The following ANKAR variants were observed in gnomAD, a reference collection of about 807,000 sequenced individuals.
ANKAR encodes the protein ankyrin and armadillo repeat containing.
In ANKAR, 136 loss-of-function variants were observed where a neutral mutation model predicts 146.2. The ratio of observed to expected loss-of-function variants is 0.93; its 90% confidence interval spans 0.81 to 1.07. ANKAR has a LOEUF of 1.07. Ranked by LOEUF, ANKAR falls within the 50% of genes least tolerant of loss-of-function variation. The probability of loss-of-function intolerance (pLI) is 0.00; values close to 1 mark genes in which losing one functional copy is unlikely to be tolerated. For synonymous variants in ANKAR, 500 were observed against 575.8 expected (o/e 0.87, Z 1.88); for missense variants, 1,567 against 1,679.9 (o/e 0.93, Z 1.18).
intron 9 of ANKAR, among the ~76,000 whole-genome samples, chr2:189,709,099 A>AAAATAAATAAAT (rs774081735): frequency 0.012 from 1,832 of 150,738 alleles, 26 homozygotes; most frequent in African/African-American, 0.035. Context: ...ACTTCGTCTC[A>AAAATAAATAAAT]AAATAAATAA....
At position 189,706,966 on chromosome 2, in the gene ANKAR, G is replaced by GCCA; in HGVS notation, c.1941_1943dup (p.Thr648dup). 13 of 1,612,472 alleles carry GCCA rather than the reference G, an allele frequency of 8.1e-6. No individual in the cohort carries two copies. Among genetic ancestry groups the GCCA allele is most frequent in the Non-Finnish European group, 1.1e-5 (13 of 1,179,312 alleles). On this transcript the variant is annotated inframe_insertion, in exon 9 of 23. Transcript: ENST00000684021. ...TCAGTGCACTCCACTGTTACTTGCTGCCACTTCAGGAGCACTGGACACTAT... is the reference window on the plus strand; with the variant it reads ...TCAGTGCACTCCACTGTTACTTGCTGCCACCACTTCAGGAGCACTGGACACTAT...
intron 15 of ANKAR, among the ~76,000 whole-genome samples, chr2:189,729,829 T>TTTAACCCATTTATTTAGGG (rs2042248942): frequency 6.6e-6 from 1 of 152,106 alleles, no homozygotes; most frequent in Non-Finnish European, 1.5e-5. Context: ...CAATCTTATA[T>TTTAACCCATTTATTTAGGG]TTAACCCATT....
chr2:189,723,698 T>G (rs1444517908), intron 12 of ANKAR, among the ~76,000 whole-genome samples: 3 of 152,162 alleles, frequency 2.0e-5, no homozygotes, highest in Non-Finnish European at 4.4e-5. Flanking sequence ...TAGTCCTCCT[T>G]TAGCCAACTC....
intron 6 of ANKAR, 36 bp downstream of exon 6, chr2:189,695,197 A>G (rs1373023229): frequency 6.7e-7 from 1 of 1,495,108 alleles, no homozygotes. Context: ...TAGTATATGA[A>G]GTTATGTATT....
At chr2:189,707,452 C>CAAAAAAAAAAAAAAAAAAA (rs67227035) in intron 9 of ANKAR, among the ~76,000 whole-genome samples, 1 of 72,928 alleles carries the variant, frequency 1.4e-5, no homozygotes, top group East Asian at 4.5e-4. Context: ...TCTCCTTCAT[C>CAAAAAAAAAAAAAAAAAAA]AAAAAAAAAA....
At chr2:189,729,989 A>G (rs1042324930) in intron 15 of ANKAR, among the ~76,000 whole-genome samples, 5 of 152,076 alleles carry the variant, frequency 3.3e-5, no homozygotes, top group African/African-American at 7.2e-5. Flanking sequence ...GAAAAAAAAA[A>G]AGAGAGAGTT....
Position 189,746,514 on chromosome 2 carries a change from T to C in ANKAR, c.4192T>C (p.Phe1398Leu). Residue 1398 changes from phenylalanine (F) to leucine (L), a missense_variant, in exon 23 of 23, where the codon TTT (phenylalanine) becomes CTT (leucine). Physicochemically the swap from Phe to Leu is conservative, Grantham distance 22. Transcript: ENST00000684021. Reference protein sequence around the residue: ...KTKDSHNIFSFSSTITSDITN... With the variant: ...KTKDSHNIFSLSSTITSDITN... ...CAAGGATTCCCATAATATTTTTTCT[T>C]TTTCATCTACAATTACATCAGATAT... is the stretch of plus-strand genomic sequence containing the variant. 6.2e-7 allele frequency: 1 copy of C among 1,613,978 alleles called. No homozygotes were observed. The highest frequency in any genetic ancestry group is 8.5e-7 in the Non-Finnish European group (1 of 1,179,938).
chr2:189,693,721 G>C (rs2036778422), intron 5 of ANKAR, among the ~76,000 whole-genome samples: 1 of 151,842 alleles, frequency 6.6e-6, no homozygotes, highest in South Asian at 2.1e-4. Flanking sequence ...AGACCAGACT[G>C]GGCACCAGAG....
chr2:189,718,542 C>A (rs1417511948), intron 10 of ANKAR, among the ~76,000 whole-genome samples: 2 of 152,038 alleles, frequency 1.3e-5, no homozygotes, highest in East Asian at 3.8e-4. Flanking sequence ...TCCTGAAAAC[C>A]TGTACAAAAA....
chr2:189,677,295 AT>A (rs1018500167), intron 2 of ANKAR, among the ~76,000 whole-genome samples: 3 of 151,852 alleles, frequency 2.0e-5, no homozygotes, highest in Non-Finnish European at 2.9e-5. Flanking sequence ...AAATTTTTAA[AT>A]TTTATTTCGA....
At position 189,760,209 on chromosome 2, in the gene ANKAR, C is replaced by T. The variant is rs538276495; in HGVS notation, c.*585-889C>T. On this transcript the variant is annotated intron_variant and NMD_transcript_variant, in intron 18 of 18. Coordinates refer to the ANKAR transcript ENST00000441800. ...ATCTCTCTTTCTTTTCCCCACATTT[C>T]CCCCTTTTCTATTCGACAAAACCGC... Among the ~76,000 whole-genome samples the T allele has an allele frequency of 2.0e-5, 3 of 152,324 alleles. No homozygotes were observed. The South Asian group carries it at 6.2e-4, about 32-fold the overall frequency.
At chr2:189,730,427 A>G (rs1574679543) in intron 15 of ANKAR, 68 bp from the exon 16 acceptor site, 2 of 942,124 alleles carry the variant, frequency 2.1e-6, no homozygotes, top group East Asian at 5.5e-5. Context: ...CAAAATATCA[A>G]GCTATGTTTG....
At chr2:189,737,563 C>A in intron 17 of ANKAR, 120 bp from the exon 18 acceptor site, 1 of 827,974 alleles carries the variant, frequency 1.2e-6, no homozygotes, top group Non-Finnish European at 1.8e-6. Flanking sequence ...CTAGTAATGT[C>A]ATATTTTACT....
At chr2:189,736,483 C>A (rs2042842844) in intron 17 of ANKAR, among the ~76,000 whole-genome samples, 1 of 98,192 alleles carries the variant, frequency 1.0e-5, no homozygotes. Flanking sequence ...TTCTTTTTGC[C>A]TATTTAGGTG....
chr2:189,742,251 A>C (rs1377991479), intron 20 of ANKAR, among the ~76,000 whole-genome samples: 3 of 152,232 alleles, frequency 2.0e-5, no homozygotes, highest in African/African-American at 7.2e-5. Context: ...AGTTCCCAGC[A>C]GCTGAACTAC....
intron 7 of ANKAR, among the ~76,000 whole-genome samples, chr2:189,699,875 A>G (rs1374763860): frequency 1.3e-5 from 2 of 152,156 alleles, no homozygotes; most frequent in African/African-American, 4.8e-5. Context: ...CATGTTGGCC[A>G]GGCTGGTCTC....
Position 189,696,380 on chromosome 2 carries a change from G to A in ANKAR, c.1708+11G>A. ...TTACGTTCAGCCAAGGTACCATAAA[G>A]TTTTTTAACCTAAAATGTTGTTATT... On this transcript the variant is annotated intron_variant, in intron 7 of 22. Transcript: ENST00000684021. The A allele has an allele frequency of 1.9e-6, 3 of 1,603,450 alleles. No individual in the cohort carries two copies. The highest frequency in any genetic ancestry group is 2.6e-6 in the Non-Finnish European group (3 of 1,175,900).
At chr2:189,739,040 CTCTG>C (rs1367488063) in intron 19 of ANKAR, among the ~76,000 whole-genome samples, 2 of 152,130 alleles carry the variant, frequency 1.3e-5, no homozygotes, top group South Asian at 2.1e-4. Flanking sequence ...ACAGATGTAC[CTCTG>C]TCTGGTTTCC....
intron 18 of ANKAR, chr2:189,754,539 C>A (rs1161374881): frequency 7.3e-6 from 4 of 545,302 alleles, no homozygotes; most frequent in Non-Finnish European, 1.3e-5. Context: ...ATGACCCGAA[C>A]AATAAGAGGC....
Sources: gnomAD v4.1 joint callset for allele counts (sites outside exome capture counted in the v4.1 genomes callset) on GRCh38, gnomAD v4.1.1 for gene constraint, MANE v1.5 for transcripts, NCBI Gene and HGNC (gene_info 2026-07-23, HGNC 2026-07-21) for gene names.